Variants in NRDC observed in about 807,000 individuals in gnomAD.
NRDC encodes the protein nardilysin convertase, also known as nardilysin.
Under a neutral mutation model 147.1 loss-of-function variants are expected in NRDC, and 54 were observed. The ratio of observed to expected loss-of-function variants is 0.37; its 90% CI spans 0.29 to 0.46. The LOEUF (loss-of-function observed/expected upper bound fraction) is 0.46. Ranked by LOEUF, NRDC falls within the 20% of genes least tolerant of loss-of-function variation. The pLI is 1.00. For synonymous variants in NRDC, 440 were observed against 482.1 expected, an observed-to-expected ratio of 0.91 and a Z score of 1.14; for missense variants, 1,082 against 1,370.6, an observed-to-expected ratio of 0.79 and a Z score of 3.33.
chr1:51,873,277 C>G (rs1683167684), intron 1 of NRDC, among the ~76,000 whole-genome samples: 1 of 152,270 alleles, frequency 6.6e-6, no homozygotes, highest in African/African-American at 2.4e-5. Flanking sequence ...CAAAAGGCTT[C>G]TGCTCAGAAG....
At chr1:51,872,084 A>C (rs1378685774) in intron 1 of NRDC, among the ~76,000 whole-genome samples, 3 of 152,098 alleles carry the variant, frequency 2.0e-5, no homozygotes, top group Non-Finnish European at 2.9e-5. Flanking sequence ...TTGGCCAGGT[A>C]GGTCTCCAAC....
At chr1:51,866,563 C>G (rs1682819429) in intron 1 of NRDC, among the ~76,000 whole-genome samples, 1 of 151,906 alleles carries the variant, frequency 6.6e-6, no homozygotes, top group Non-Finnish European at 1.5e-5. Flanking sequence ...TAACAGAAAA[C>G]TGTAACCAAA....
At chr1:51,803,056 G>A (rs1324982048) in intron 20 of NRDC, among the ~76,000 whole-genome samples, 2 of 152,130 alleles carry the variant, frequency 1.3e-5, no homozygotes, top group Non-Finnish European at 1.5e-5. Context: ...CCCTGCTTCG[G>A]AAAGGTTCAT....
At chr1:51,863,956 G>GCCTA (rs1377615727) in intron 1 of NRDC, among the ~76,000 whole-genome samples, 1 of 152,150 alleles carries the variant, frequency 6.6e-6, no homozygotes, top group African/African-American at 2.4e-5. Flanking sequence ...GCTTAACCTA[G>GCCTA]CCTACCTCAA....
At chr1:51,823,957 C>T (rs1322466960) in intron 6 of NRDC, among the ~76,000 whole-genome samples, 171 bp from the exon 7 acceptor site, 1 of 151,808 alleles carries the variant, frequency 6.6e-6, no homozygotes, top group African/African-American at 2.4e-5. Context: ...GACAAAAATG[C>T]ATAAGAAACA....
At chr1:51,801,977 C>T (rs528387794) in intron 20 of NRDC, among the ~76,000 whole-genome samples, 95 of 152,142 alleles carry the variant, frequency 6.2e-4, no homozygotes, top group African/African-American at 2.1e-3. Context: ...TTAGTAGAGA[C>T]GGGGTTTCAC....
At chr1:51,789,826 C>G in intron 29 of NRDC, 169 bp from the exon 30 acceptor site, 1 of 603,824 alleles carries the variant, frequency 1.7e-6, no homozygotes. Flanking sequence ...ATGAAGCTCT[C>G]TGGCATGCCT....
At chr1:51,873,126 T>C (rs1044452136) in intron 1 of NRDC, among the ~76,000 whole-genome samples, 9 of 150,120 alleles carry the variant, frequency 6.0e-5, no homozygotes, top group African/African-American at 2.0e-4. Flanking sequence ...GGAGTTTTCA[T>C]TGTAAATATC....
At chr1:51,873,161 A>G (rs1457362606) in intron 1 of NRDC, among the ~76,000 whole-genome samples, 23 of 151,000 alleles carry the variant, frequency 1.5e-4, no homozygotes, top group Admixed American at 1.4e-3. Flanking sequence ...TGTTCTTCCC[A>G]TCCAATACAA....
chr1:51,822,489 T>C (rs1386587048), intron 7 of NRDC, among the ~76,000 whole-genome samples: 1 of 152,178 alleles, frequency 6.6e-6, no homozygotes. Context: ...TACAATGAGC[T>C]ATGATTGTGC....
chr1:51,873,479 TTTTATTTATTTATTTATTTA>T (rs57413276), intron 1 of NRDC, among the ~76,000 whole-genome samples: 4 of 141,814 alleles, frequency 2.8e-5, no homozygotes, highest in African/African-American at 5.1e-5. Flanking sequence ...TATATGGAAT[TTTTATTTATTTATTTATTTA>T]TTTATTTATT....
rs942357208 is a variant in NRDC, at chr1:51,809,193, C to T, written c.1990+122G>A. Reference sequence around the variant, plus strand: ...AAAGTAAGAAAATACTAATGCCAACCTCAGAATGTTACTGGGAATCTCAAA... The same window carrying T: ...AAAGTAAGAAAATACTAATGCCAACTTCAGAATGTTACTGGGAATCTCAAA... On this transcript the variant is annotated intron_variant, in intron 17 of 30. Transcript: ENST00000352171. The T allele has an allele frequency of 3.7e-4, 278 of 757,438 alleles. 1 individual carries two copies. The highest frequency in any genetic ancestry group is 4.3e-4 in the Non-Finnish European group (195 of 450,590). The allele number at this position is 757,438 out of a possible 1,614,324, so 46.9% of individuals were successfully genotyped here.
intron 22 of NRDC, chr1:51,795,455 T>TAA (rs1678854164): frequency 4.5e-6 from 1 of 222,650 alleles, no homozygotes; most frequent in African/African-American, 2.3e-5. Flanking sequence ...GACTGAGACT[T>TAA]AAGATTCTTT....
chr1:51,799,591 G>A (rs558115314), intron 21 of NRDC, among the ~76,000 whole-genome samples: 1 of 152,292 alleles, frequency 6.6e-6, no homozygotes, highest in East Asian at 1.9e-4. Context: ...CTGTCAAGTA[G>A]GGGCTAGCCA....
chr1:51,816,920 A>G (rs77727969), intron 10 of NRDC, among the ~76,000 whole-genome samples: 1,750 of 152,260 alleles, frequency 0.011, 65 homozygotes, highest in East Asian at 0.098. Flanking sequence ...ACTTACTCAC[A>G]GAGTTTTCAT....
intron 28 of NRDC, 53 bp from the exon 29 acceptor site, chr1:51,790,702 C>A: frequency 7.7e-7 from 1 of 1,291,666 alleles, no homozygotes; most frequent in Non-Finnish European, 1.1e-6. Context: ...CCACTTCCCA[C>A]AGAACACACT....
intron 1 of NRDC, among the ~76,000 whole-genome samples, chr1:51,866,300 T>A (rs897056249): frequency 1.3e-5 from 2 of 152,162 alleles, no homozygotes; most frequent in Non-Finnish European, 2.9e-5. Context: ...GGAACTCTCA[T>A]GTTCTATTGG....
chr1:51,821,474 GAT>G (rs1557911761), intron 8 of NRDC, 22 bp downstream of exon 8: 1 of 1,505,776 alleles, frequency 6.6e-7, no homozygotes, highest in East Asian at 2.3e-5. Context: ...GAAGGTGTAT[GAT>G]GTATGAAAAT....
At chr1:51,821,784 A>G (rs1345480431) in intron 7 of NRDC, among the ~76,000 whole-genome samples, 1 of 152,186 alleles carries the variant, frequency 6.6e-6, no homozygotes, top group Non-Finnish European at 1.5e-5. Flanking sequence ...CTCCCTGGTA[A>G]AGTCAGAAAA....
Sources: gnomAD v4.1 joint callset for allele counts (sites outside exome capture counted in the v4.1 genomes callset) on GRCh38, gnomAD v4.1.1 for gene constraint, MANE v1.5 for transcripts, NCBI Gene and HGNC (gene_info 2026-07-23, HGNC 2026-07-21) for gene names.